The following ADAMTSL1 variants were observed in gnomAD, a reference collection of about 807,000 sequenced individuals.
ADAMTSL1 encodes the protein ADAMTS like 1.
Under a neutral mutation model 201.8 loss-of-function variants are expected in ADAMTSL1, and 126 were observed. That is an observed-to-expected ratio of 0.62 (90% confidence interval 0.54 to 0.72). The LOEUF is 0.72. Among genes scored for constraint, ADAMTSL1 ranks in the 30% least tolerant of loss-of-function variants. The pLI is 0.00. For synonymous variants in ADAMTSL1, 1,121 were observed against 903.4 expected (o/e 1.24, Z -4.32); for missense variants, 2,679 against 2,277.8 (o/e 1.18, Z -3.59).
intron 1 of ADAMTSL1, among the ~76,000 whole-genome samples, chr9:18,026,565 A>G (rs147705433): frequency 3.1e-3 from 468 of 152,052 alleles, no homozygotes; most frequent in African/African-American, 0.01. Context: ...GCTATTTAAT[A>G]GTGGTGAATT....
At chr9:18,126,836 A>C (rs1825751606) in intron 1 of ADAMTSL1, among the ~76,000 whole-genome samples, 1 of 152,172 alleles carries the variant, frequency 6.6e-6, no homozygotes, top group African/African-American at 2.4e-5. Context: ...CTGGATGCAA[A>C]AACAGTATGT....
chr9:18,099,519 T>A (rs1160914296), intron 1 of ADAMTSL1, among the ~76,000 whole-genome samples: 1 of 150,834 alleles, frequency 6.6e-6, no homozygotes, highest in Non-Finnish European at 1.5e-5. Flanking sequence ...TCTGTTTCTT[T>A]GTATTTGTTT....
intron 7 of ADAMTSL1, 42 bp from the exon 8 acceptor site, chr9:18,657,597 C>A: frequency 1.4e-6 from 2 of 1,476,448 alleles, no homozygotes; most frequent in South Asian, 1.1e-5. Context: ...CAGAAAGCAC[C>A]GCACTGTCAC....
At chr9:18,522,485 C>G (rs1564015829) in intron 2 of ADAMTSL1, among the ~76,000 whole-genome samples, 1 of 151,970 alleles carries the variant, frequency 6.6e-6, no homozygotes, top group African/African-American at 2.4e-5. Flanking sequence ...TACATGTGCA[C>G]AATGTGCAGG....
intron 26 of ADAMTSL1, among the ~76,000 whole-genome samples, chr9:18,901,458 C>T (rs1054573984): frequency 6.6e-6 from 1 of 151,984 alleles, no homozygotes; most frequent in African/African-American, 2.4e-5. Flanking sequence ...CAAAGAAATG[C>T]ATAAGAAGTA....
intron 2 of ADAMTSL1, among the ~76,000 whole-genome samples, chr9:18,456,476 A>G (rs994400171): frequency 2.0e-5 from 3 of 152,294 alleles, no homozygotes; most frequent in African/African-American, 7.2e-5. Context: ...TGTGAGCTGC[A>G]CTAGTCAGGG....
chr9:18,248,820 A>G (rs1162382646), intron 2 of ADAMTSL1, among the ~76,000 whole-genome samples: 1 of 152,154 alleles, frequency 6.6e-6, no homozygotes, highest in Non-Finnish European at 1.5e-5. Context: ...ACTGAAAACA[A>G]GATAGGATTA....
At chr9:18,865,036 T>C (rs1317253764) in intron 23 of ADAMTSL1, among the ~76,000 whole-genome samples, 1 of 152,200 alleles carries the variant, frequency 6.6e-6, no homozygotes, top group African/African-American at 2.4e-5. Flanking sequence ...GTTATATTTT[T>C]CCAGTCTCTT....
At chr9:18,573,613 A>T (rs1587607258) in intron 3 of ADAMTSL1, among the ~76,000 whole-genome samples, 1 of 152,214 alleles carries the variant, frequency 6.6e-6, no homozygotes, top group South Asian at 2.1e-4. Context: ...AACAATTGTC[A>T]TAGCTCTCAA....
At chr9:18,554,147 G>A (rs1170197159) in intron 3 of ADAMTSL1, among the ~76,000 whole-genome samples, 1 of 150,540 alleles carries the variant, frequency 6.6e-6, no homozygotes, top group East Asian at 1.9e-4. Flanking sequence ...ATTTATATCT[G>A]CATGTATATG....
chr9:18,391,914 T>C (rs1473444754), intron 2 of ADAMTSL1, among the ~76,000 whole-genome samples: 1 of 143,434 alleles, frequency 7.0e-6, no homozygotes, highest in Non-Finnish European at 1.5e-5. Flanking sequence ...AAGCTCTGCC[T>C]CCTGGGTTCA....
chr9:18,678,217 G>A (rs1404818972), intron 10 of ADAMTSL1, among the ~76,000 whole-genome samples: 1 of 152,016 alleles, frequency 6.6e-6, no homozygotes, highest in Non-Finnish European at 1.5e-5. Context: ...AAAATTAAAA[G>A]CCAAAAGAGG....
At chr9:17,908,890 C>G (rs548014792) in intron 1 of ADAMTSL1, among the ~76,000 whole-genome samples, 2 of 151,990 alleles carry the variant, frequency 1.3e-5, no homozygotes, top group Non-Finnish European at 1.5e-5. Flanking sequence ...CCTGAGGACT[C>G]GCCACACTGA....
intron 19 of ADAMTSL1, among the ~76,000 whole-genome samples, chr9:18,786,872 C>T (rs1464881179): frequency 5.3e-5 from 8 of 152,130 alleles, no homozygotes; most frequent in Admixed American, 4.6e-4. Flanking sequence ...TTATATTTCC[C>T]AGAAAGTTTT....
chr9:18,189,948 G>A (rs991329823), intron 2 of ADAMTSL1, among the ~76,000 whole-genome samples: 6 of 152,160 alleles, frequency 3.9e-5, no homozygotes, highest in African/African-American at 1.4e-4. Context: ...CATTTTAAAA[G>A]AGCCTGTTAA....
chr9:17,997,557 A>G (rs1392933990), intron 1 of ADAMTSL1, among the ~76,000 whole-genome samples: 1 of 152,114 alleles, frequency 6.6e-6, no homozygotes, highest in Non-Finnish European at 1.5e-5. Flanking sequence ...TTTAGTGAAG[A>G]CAAATATCTA....
intron 2 of ADAMTSL1, among the ~76,000 whole-genome samples, chr9:18,365,145 C>A (rs138971642): frequency 6.6e-6 from 1 of 152,190 alleles, no homozygotes; most frequent in East Asian, 1.9e-4. Context: ...TAGCTCCAAA[C>A]CATAACCAAC....
intron 2 of ADAMTSL1, among the ~76,000 whole-genome samples, chr9:18,315,629 GGCCCACCGATCCCGC>G (rs1834356617): frequency 6.6e-6 from 1 of 152,160 alleles, no homozygotes; most frequent in African/African-American, 2.4e-5. Flanking sequence ...CTGAGTGCGG[GGCCCACCGATCCCGC>G]GCCCACCTGG....
rs1462592812 is a variant in ADAMTSL1 at position 18,498,337 on chromosome 9, C to CT, written c.64-6492_64-6491insT. Among the ~76,000 whole-genome samples, 248 of 144,688 alleles carry CT rather than the reference C, an allele frequency of 1.7e-3. 6 individuals are homozygous for CT. The highest frequency in any genetic ancestry group is 3.2e-3 in the African/African-American group (126 of 39,686). 94.9% of individuals were successfully genotyped at this position (144,688 alleles called of 152,430 possible). On this transcript the variant is annotated intron_variant, in intron 1 of 28. Coordinates refer to ENST00000380548, the MANE Select transcript of ADAMTSL1 (RefSeq NM_001040272.6). ...AGAAGTATCAATGTTCCCCCCACCC[C>CT]CTTTTTTTTTTTTTTTGAGATGGGA...
Sources: allele counts gnomAD v4.1 joint callset (sites outside exome capture counted in the v4.1 genomes callset), GRCh38; gene constraint gnomAD v4.1.1; transcripts MANE v1.5; gene names NCBI Gene and HGNC (gene_info 2026-07-23, HGNC 2026-07-21).